Variants in THSD4 observed in about 807,000 individuals in gnomAD.
THSD4 encodes thrombospondin type 1 domain containing 4.
THSD4 carries 69 observed loss-of-function variants against 119.0 expected under a neutral mutation model. That is an observed-to-expected ratio of 0.58 (90% CI 0.48 to 0.71). THSD4 has a LOEUF of 0.71. THSD4 is among the 30% of genes least tolerant of loss of function. The probability of loss-of-function intolerance (pLI) is 0.00; values close to 1 mark genes in which losing one functional copy is unlikely to be tolerated. For synonymous variants in THSD4, 524 were observed against 540.4 expected (o/e 0.97, Z 0.42); for missense variants, 1,393 against 1,391.1 (o/e 1.00, Z -0.02).
At chr15:71,689,788 G>A (rs982590928) in intron 8 of THSD4, among the ~76,000 whole-genome samples, 13 of 152,192 alleles carry the variant, frequency 8.5e-5, no homozygotes, top group African/African-American at 2.9e-4. Flanking sequence ...CTGGACAATG[G>A]AAGAGATTCC....
intron 8 of THSD4, among the ~76,000 whole-genome samples, chr15:71,698,649 A>T (rs372838190): frequency 1.5e-5 from 2 of 137,724 alleles, no homozygotes; most frequent in East Asian, 2.0e-4. Context: ...GTATATATAC[A>T]TGAAATATAT....
In THSD4 at chr15:71,411,928, C is replaced by T. The variant is rs530989029; in HGVS notation, c.1152+105C>T. 2,756 of 1,461,556 alleles carry T rather than the reference C, an allele frequency of 1.9e-3. 51 individuals carry two copies. The highest frequency in any genetic ancestry group is 2.2e-4 in the Non-Finnish European group (231 of 1,071,668). 90.5% of individuals were successfully genotyped at this position (1,461,556 alleles called of 1,614,324 possible). A position where few individuals can be genotyped will look rare whatever the true frequency, so the allele number is the denominator to read the frequency against. On this transcript the variant is annotated intron_variant, in intron 7 of 17. Coordinates refer to ENST00000261862, the MANE Select transcript of THSD4 (RefSeq NM_024817.3). ...TAGGCTGCTAGCTCCCCCCAGCCCA[C>T]GTCAGGGCCACTCAACCATGCGCTC... is the stretch of plus-strand genomic sequence containing the variant.
chr15:71,699,210 CTTTTTTTTTT>C (rs34295616), intron 8 of THSD4, among the ~76,000 whole-genome samples: 1 of 72,994 alleles, frequency 1.4e-5, no homozygotes, highest in African/African-American at 6.3e-5. Flanking sequence ...ATAGCTACAG[CTTTTTTTTTT>C]TTTTTTTTTT....
At chr15:71,293,943 C>A (rs2044827416) in intron 6 of THSD4, among the ~76,000 whole-genome samples, 1 of 151,964 alleles carries the variant, frequency 6.6e-6, no homozygotes, top group Admixed American at 6.6e-5. Context: ...GGTGTGAGAC[C>A]ACCGTGAATC....
At chr15:71,386,020 C>T (rs1297361118) in intron 6 of THSD4, among the ~76,000 whole-genome samples, 1 of 152,096 alleles carries the variant, frequency 6.6e-6, no homozygotes, top group Non-Finnish European at 1.5e-5. Flanking sequence ...AGCTAGCGGA[C>T]CAACAGAAAT....
At position 71,599,727 on chromosome 15, in the gene THSD4, C is replaced by T. The variant is rs527755035; in HGVS notation, c.1153-60803C>T. Reference sequence around the variant, plus strand: ...GAGCTGTTCCCTTCTGCCGCTCAGCCGCTCCAGTGGACTCTGGCAGTGGGC... The same window carrying T: ...GAGCTGTTCCCTTCTGCCGCTCAGCTGCTCCAGTGGACTCTGGCAGTGGGC... On this transcript the variant is annotated intron_variant, in intron 7 of 17. Transcript: ENST00000261862. Among the ~76,000 whole-genome samples, 12 of 152,304 alleles carry T rather than the reference C, an allele frequency of 7.9e-5. No homozygotes were observed. In the South Asian group the frequency reaches 1.5e-3, roughly 18 times the overall value.
At chr15:71,474,893 G>T (rs2047635257) in intron 7 of THSD4, among the ~76,000 whole-genome samples, 1 of 152,166 alleles carries the variant, frequency 6.6e-6, no homozygotes, top group African/African-American at 2.4e-5. Flanking sequence ...ATTCTCTCTA[G>T]TTCTGGCTTA....
At chr15:71,587,997 A>G (rs1430266366) in intron 7 of THSD4, among the ~76,000 whole-genome samples, 1 of 152,084 alleles carries the variant, frequency 6.6e-6, no homozygotes, top group African/African-American at 2.4e-5. Context: ...TTCATTGTCA[A>G]GAATCTCATT....
At chr15:71,309,100 C>A (rs2045076249) in intron 6 of THSD4, among the ~76,000 whole-genome samples, 1 of 152,128 alleles carries the variant, frequency 6.6e-6, no homozygotes, top group Admixed American at 6.6e-5. Context: ...CAGGCGCATG[C>A]CACCATACCC....
At chr15:71,445,802 G>C (rs2047172367) in intron 7 of THSD4, among the ~76,000 whole-genome samples, 1 of 152,194 alleles carries the variant, frequency 6.6e-6, no homozygotes. Context: ...TCTTTTCAAG[G>C]TTGTAGAATT....
chr15:71,444,950 C>T, intron 7 of THSD4, among the ~76,000 whole-genome samples: 1 of 152,212 alleles, frequency 6.6e-6, no homozygotes, highest in African/African-American at 2.4e-5. Flanking sequence ...AGTCCAAATT[C>T]CTTAGCATGG....
intron 3 of THSD4, among the ~76,000 whole-genome samples, chr15:71,170,449 T>C: frequency 6.6e-6 from 1 of 152,204 alleles, no homozygotes; most frequent in East Asian, 1.9e-4. Context: ...AGGCATTGAA[T>C]AGAATACTCA....
chr15:71,539,485 A>G (rs746727106), intron 7 of THSD4, among the ~76,000 whole-genome samples: 7 of 152,198 alleles, frequency 4.6e-5, no homozygotes, highest in Non-Finnish European at 1.0e-4. Context: ...TAGAGGTGAC[A>G]TCTGCTATGG....
In THSD4 at chr15:71,557,774, C is replaced by T. The variant is rs555967601; in HGVS notation, c.1153-102756C>T. 1.8e-4 allele frequency among the ~76,000 whole-genome samples: 28 copies of T among 152,162 alleles called. No homozygotes were observed. In the South Asian group the frequency reaches 5.8e-3, roughly 32 times the overall value. On this transcript the variant is annotated intron_variant, in intron 7 of 17. Coordinates refer to ENST00000261862, the MANE Select transcript of THSD4 (RefSeq NM_024817.3). Reference sequence around the variant, plus strand: ...TATTAACATAAATGTGTTCATTATACCTTCTAATTATCTACAGCATCTGCA... The same window carrying T: ...TATTAACATAAATGTGTTCATTATATCTTCTAATTATCTACAGCATCTGCA...
intron 7 of THSD4, among the ~76,000 whole-genome samples, chr15:71,634,187 C>CAAAAAA (rs60080654): frequency 7.9e-6 from 1 of 126,092 alleles, no homozygotes; most frequent in Non-Finnish European, 1.7e-5. Flanking sequence ...AACTCCGTCT[C>CAAAAAA]AAAAAAAAAA....
At chr15:71,613,057 T>C (rs553721080) in intron 7 of THSD4, among the ~76,000 whole-genome samples, 1 of 152,304 alleles carries the variant, frequency 6.6e-6, no homozygotes, top group South Asian at 2.1e-4. Flanking sequence ...TCACCTTGAC[T>C]TATGGAAAAG....
In THSD4 at chr15:71,184,307, T is replaced by C. The variant is rs551530162; in HGVS notation, c.99+29375T>C. 5.9e-5 allele frequency: 9 copies of C among 151,936 alleles called. No individual in the cohort carries two copies. In the South Asian group the frequency reaches 1.9e-3, roughly 32 times the overall value. The allele number at this position is 151,936 out of a possible 1,614,324, so 9.4% of individuals were successfully genotyped here. On this transcript the variant is annotated intron_variant, in intron 3 of 17. Transcript: ENST00000261862. The stretch of plus-strand genomic sequence containing the variant: ...CCCAGCCTTTGTAGCTTAAGGAATT[T>C]ACTGCTTATCACTACGGAAAAGAAG...
At chr15:71,197,912 T>C (rs1335768907) in intron 3 of THSD4, among the ~76,000 whole-genome samples, 2 of 152,104 alleles carry the variant, frequency 1.3e-5, no homozygotes. Context: ...ATGGGGTTGA[T>C]GCCACAAATG....
chr15:71,173,279 T>C (rs904565049), intron 3 of THSD4, among the ~76,000 whole-genome samples: 12 of 152,060 alleles, frequency 7.9e-5, no homozygotes, highest in Middle Eastern at 3.4e-3. Context: ...ACAGTAGCAT[T>C]GAAAAAAATA....
Sources: allele counts gnomAD v4.1 joint callset (sites outside exome capture counted in the v4.1 genomes callset), GRCh38; gene constraint gnomAD v4.1.1; transcripts MANE v1.5; gene names NCBI Gene and HGNC (gene_info 2026-07-23, HGNC 2026-07-21).